The following LGI1 variants were observed in gnomAD, a reference collection of about 807,000 sequenced individuals.
The protein encoded by LGI1 is leucine rich glioma inactivated 1.
In LGI1, 11 loss-of-function variants were observed where a neutral mutation model predicts 57.7. The ratio of observed to expected loss-of-function variants is 0.19; its 90% CI spans 0.12 to 0.32. The LOEUF is 0.32. LGI1 is among the 10% of genes least tolerant of loss of function. The pLI, the probability that LGI1 is intolerant of heterozygous loss-of-function variation, is 1.00. For missense variants in LGI1, 422 were observed against 661.9 expected (o/e 0.64, Z 3.98); for synonymous variants, 222 against 241.9 (o/e 0.92, Z 0.76).
chr10:93,791,015 C>T (rs2059933715), intron 5 of LGI1: 1 of 152,114 alleles, frequency 6.6e-6, no homozygotes, highest in Non-Finnish European at 1.5e-5. Flanking sequence ...AACTTTTCTC[C>T]AATAACAAAC....
At position 93,797,173 on chromosome 10, in the gene LGI1, T is replaced by C; in HGVS notation, c.1044T>C (p.Val348=). Residue 348 remains valine (V), a synonymous_variant, in exon 8 of 8, where the codon GTT becomes GTC. Coordinates refer to ENST00000371418, the MANE Select transcript of LGI1 (RefSeq NM_005097.4). This position sits in a 1 kb window ranked among gnomAD's most constrained non-coding sequence, Gnocchi z 6.5. ...FKIENNWYFV[V]ADSSKAGFTT... ...TTGAAAACAACTGGTACTTTGTTGT[T>C]GCTGACAGTTCAAAAGCTGGTTTTA... 1 of 1,614,210 alleles carries C rather than the reference T, an allele frequency of 6.2e-7. No homozygotes were observed. The highest frequency in any genetic ancestry group is 8.5e-7 in the Non-Finnish European group (1 of 1,180,034).
chr10:93,777,284 T>C (rs2059803403), intron 2 of LGI1, 95 bp from the exon 3 acceptor site: 1 of 1,048,310 alleles, frequency 9.5e-7, no homozygotes, highest in African/African-American at 1.6e-5. Context: ...CATTTTTCTG[T>C]ATACAACTCC....
chr10:93,781,223 G>T (rs2059844688), intron 4 of LGI1, among the ~76,000 whole-genome samples: 1 of 152,070 alleles, frequency 6.6e-6, no homozygotes. Flanking sequence ...GCCGGGCGTG[G>T]TGGTGGGCGC....
In LGI1 at chr10:93,793,275, C is replaced by T; in HGVS notation, c.763C>T (p.Pro255Ser). The T allele has an allele frequency of 6.2e-6, 10 of 1,612,932 alleles. No individual in the cohort carries two copies. Among genetic ancestry groups the T allele is most frequent in the Non-Finnish European group, 8.5e-6 (10 of 1,178,980 alleles). ...TGATGAGTATGTAGTCATCGCTCAG[C>T]CTTTTACTGGAAAATGCATTTTCCT... ...LNDEYVVIAQ[P>S]FTGKCIFLEW... Residue 255 changes from proline (P) to serine (S), a missense_variant, in exon 7 of 8, where the codon CCT (proline) becomes TCT (serine). Around this residue, in one of 3 missense-constraint regions of LGI1, gnomAD observed 301 missense variants for 461.7 expected, o/e 0.65. Transcript: ENST00000371418.
chr10:93,764,804 A>G (rs1046812409), intron 2 of LGI1: 9 of 152,228 alleles, frequency 5.9e-5, no homozygotes, highest in Non-Finnish European at 1.2e-4. Context: ...TTATTACAGT[A>G]TCTGAAAATC....
chr10:93,792,030 T>G (rs905240502), intron 5 of LGI1: 14 of 152,520 alleles, frequency 9.2e-5, no homozygotes, highest in African/African-American at 3.1e-4. Flanking sequence ...ACCTAAAATG[T>G]GCTCCTAGTA....
chr10:93,796,543 T>C (rs544674112), intron 7 of LGI1, among the ~76,000 whole-genome samples: 15 of 152,332 alleles, frequency 9.8e-5, no homozygotes, highest in Admixed American at 7.8e-4. Flanking sequence ...GGATAATATT[T>C]ATCTCTTAAG....
At position 93,758,666 on chromosome 10, in the gene LGI1, A is replaced by G. The variant is rs2059590471; in HGVS notation, c.216-94A>G. On this transcript the variant is annotated intron_variant, in intron 1 of 7. Transcript: ENST00000371418. The surrounding 1 kb of genome is among the most constrained non-coding windows in gnomAD (Gnocchi z 4.7). ...AAATAGTGTCAAAATAGTCACTGTTATGCTAAACCGGATTAACATAAGGTT... is the reference window on the plus strand; with the variant it reads ...AAATAGTGTCAAAATAGTCACTGTTGTGCTAAACCGGATTAACATAAGGTT... 1.1e-6 allele frequency: 1 copy of G among 884,370 alleles called. No individual in the cohort carries two copies. The highest frequency in any genetic ancestry group is 2.5e-5 in the East Asian group (1 of 40,648). The allele number at this position is 884,370 out of a possible 1,614,324, so 54.8% of individuals were successfully genotyped here.
At chr10:93,776,949 T>TCGGTGGTCGCCG in intron 2 of LGI1, 1 of 233,910 alleles carries the variant, frequency 4.3e-6, no homozygotes, top group Non-Finnish European at 8.4e-6. Flanking sequence ...GGCATGCAGC[T>TCGGTGGTCGCCG]TACTTTTTTT....
At chr10:93,768,447 T>G (rs2059701868) in intron 2 of LGI1, 1 of 152,152 alleles carries the variant, frequency 6.6e-6, no homozygotes, top group Non-Finnish European at 1.5e-5. Context: ...AGGATTAAAA[T>G]CAGATGTCAA....
At chr10:93,778,733 A>G (rs552319403) in intron 4 of LGI1, 1 of 152,354 alleles carries the variant, frequency 6.6e-6, no homozygotes, top group Admixed American at 6.5e-5. Context: ...TCCAAGTGTC[A>G]TAGTCATTCT....
At chr10:93,796,612 A>G (rs1175012270) in intron 7 of LGI1, among the ~76,000 whole-genome samples, 2 of 152,254 alleles carry the variant, frequency 1.3e-5, no homozygotes, top group African/African-American at 4.8e-5. Flanking sequence ...CTCAGTAAAC[A>G]GTAGTTTTCA....
rs146425212 is a variant in LGI1 at position 93,793,229 on chromosome 10, A to C, written c.717A>C (p.Ile239=). The C allele has an allele frequency of 5.9e-4, 949 of 1,613,228 alleles. No homozygotes were observed. The highest frequency in any genetic ancestry group is 7.4e-4 in the Non-Finnish European group (872 of 1,179,538). ...SQDLPYQSLS[I]DTFSYLNDEY... ...ACCTGCCTTATCAATCATTGTCCATAGACACTTTTTCTTATTTGAATGATG... is the reference window on the plus strand; with the variant it reads ...ACCTGCCTTATCAATCATTGTCCATCGACACTTTTTCTTATTTGAATGATG... Residue 239 remains isoleucine, a synonymous_variant, in exon 7 of 8, where the codon ATA becomes ATC. Coordinates refer to ENST00000371418, the MANE Select transcript of LGI1 (RefSeq NM_005097.4).
Position 93,758,121 on chromosome 10 carries a change from G to A in LGI1, c.-24G>A, listed in dbSNP as rs753475754. On this transcript the variant is annotated 5_prime_UTR_variant, in exon 1 of 8. An upstream start codon of the reference 5' UTR is lost. Coordinates refer to ENST00000371418, the MANE Select transcript of LGI1 (RefSeq NM_005097.4). The surrounding 1 kb of genome is among the most constrained non-coding windows in gnomAD (Gnocchi z 4.7). ...TCTGAATTCCAGAAGCCCTGTTCAT[G>A]GTTGGGGATATTTTCTCGACTGCAT... The A allele has an allele frequency of 1.3e-5, 21 of 1,604,936 alleles. No homozygotes were observed. Among genetic ancestry groups the A allele is most frequent in the Non-Finnish European group, 1.5e-5 (18 of 1,171,782 alleles).
At chr10:93,768,000 G>A (rs1322907506) in intron 2 of LGI1, 3 of 152,142 alleles carry the variant, frequency 2.0e-5, no homozygotes, top group African/African-American at 7.2e-5. Flanking sequence ...GAGTCGCATT[G>A]TCAATGAGAC....
chr10:93,758,045 G>A lies in LGI1; in HGVS notation c.-100G>A. On this transcript the variant is annotated 5_prime_UTR_variant, in exon 1 of 8. Transcript: ENST00000371418. This position sits in a 1 kb window ranked among gnomAD's most constrained non-coding sequence, Gnocchi z 4.7. ...GAAAAAGCAGAGATACAGAGGCAGA[G>A]GAAAAGGGTGGACTCCTATGTGACC... 5 of 1,021,476 alleles carry A rather than the reference G, an allele frequency of 4.9e-6. No homozygotes were observed. In the South Asian group the frequency reaches 6.7e-5, roughly 14 times the overall value. The allele number at this position is 1,021,476 out of a possible 1,614,324, so 63.3% of individuals were successfully genotyped here. A position where few individuals can be genotyped will look rare whatever the true frequency, so the allele number is the denominator to read the frequency against.
At chr10:93,767,169 G>A (rs1305079303) in intron 2 of LGI1, 1 of 152,156 alleles carries the variant, frequency 6.6e-6, no homozygotes, top group African/African-American at 2.4e-5. Flanking sequence ...TTGCTGGCAA[G>A]AGCAGCTAGT....
In LGI1 at chr10:93,797,869, A is replaced by G; in HGVS notation, c.*66A>G. ...TACATGACCCGGATGAACTCAATGC[A>G]TGATGACTCTTCTTATCACACTTGC... On this transcript the variant is annotated 3_prime_UTR_variant, in exon 8 of 8. Transcript: ENST00000371418. The surrounding 1 kb of genome is among the most constrained non-coding windows in gnomAD (Gnocchi z 6.5). 1.9e-6 allele frequency: 2 copies of G among 1,061,008 alleles called. No homozygotes were observed. The highest frequency in any genetic ancestry group is 1.3e-5 in the South Asian group (1 of 79,932). 65.7% of individuals were successfully genotyped at this position (1,061,008 alleles called of 1,614,324 possible).
At chr10:93,763,552 C>T (rs1403192314) in intron 2 of LGI1, 6 of 152,278 alleles carry the variant, frequency 3.9e-5, no homozygotes, top group African/African-American at 1.4e-4. Context: ...GCTGAAGACT[C>T]CTGTGTTACT....
Sources: allele counts gnomAD v4.1 joint callset (sites outside exome capture counted in the v4.1 genomes callset), GRCh38; gene constraint gnomAD v4.1.1; regional missense constraint gnomAD v4.1.1; non-coding constraint Gnocchi (gnomAD v3.1); transcripts MANE v1.5; gene names NCBI Gene and HGNC (gene_info 2026-07-23, HGNC 2026-07-21).